The following TIGAR variants were observed in gnomAD, a reference collection of about 807,000 sequenced individuals.
TIGAR encodes fructose-2,6-bisphosphatase TIGAR.
TIGAR carries 7 observed loss-of-function variants against 17.9 expected under a neutral mutation model. The ratio of observed to expected loss-of-function variants is 0.39; its 90% confidence interval spans 0.22 to 0.73. The LOEUF is 0.73. TIGAR is among the 30% of genes least tolerant of loss of function. The probability of loss-of-function intolerance (pLI) is 0.42; values close to 1 mark genes in which losing one functional copy is unlikely to be tolerated. For synonymous variants in TIGAR, 94 were observed against 108.6 expected (o/e 0.87, Z 0.84); for missense variants, 258 against 327.4 (o/e 0.79, Z 1.64).
intron 1 of TIGAR, among the ~76,000 whole-genome samples, chr12:4,327,662 TTTAAA>T (rs1338913497): frequency 6.6e-6 from 1 of 152,112 alleles, no homozygotes; most frequent in East Asian, 1.9e-4. Flanking sequence ...TTAGGCCAGG[TTTAAA>T]TTAAGGGCTA....
rs923706502 is a variant in TIGAR, at chr12:4,354,660, A to G, written c.*1969A>G. On this transcript the variant is annotated 3_prime_UTR_variant, in exon 6 of 6. Transcript: ENST00000179259. ...TAGTTAATTATAACCACTCTATTCT[A>G]TTAAATATAGCACATTTTTGTTTAT... is the stretch of plus-strand genomic sequence containing the variant. The G allele has an allele frequency of 2.6e-5, 4 of 151,514 alleles. No individual in the cohort carries two copies. Among genetic ancestry groups the G allele is most frequent in the Non-Finnish European group, 4.4e-5 (3 of 67,934 alleles). The allele number at this position is 151,514 out of a possible 1,614,324, so 9.4% of individuals were successfully genotyped here. A position where few individuals can be genotyped will look rare whatever the true frequency, so the allele number is the denominator to read the frequency against.
At position 4,349,819 on chromosome 12, in the gene TIGAR, A is replaced by G; in HGVS notation, c.193A>G (p.Thr65Ala). Residue 65 changes from threonine to alanine, a missense_variant and splice_region_variant, in exon 4 of 6, where the codon ACC becomes GCC. Transcript: ENST00000179259. ...FSSDLMRTKQTMHGILERSKF... is the reference protein window; with the variant it reads ...FSSDLMRTKQAMHGILERSKF... Reference sequence around the variant, plus strand: ...AAGAAACAATTGTCTTGATTTTCAGACCATGCATGGAATTTTGGAGAGAAG... The same window carrying G: ...AAGAAACAATTGTCTTGATTTTCAGGCCATGCATGGAATTTTGGAGAGAAG... 6.3e-7 allele frequency: 1 copy of G among 1,579,734 alleles called. No individual in the cohort carries two copies. Among genetic ancestry groups the G allele is most frequent in the South Asian group, 1.2e-5 (1 of 83,930 alleles).
intron 3 of TIGAR, among the ~76,000 whole-genome samples, chr12:4,346,328 C>T (rs1565449765): frequency 6.6e-6 from 1 of 152,158 alleles, no homozygotes; most frequent in African/African-American, 2.4e-5. Flanking sequence ...CGGCACTATT[C>T]ACAATAGCAA....
In TIGAR at chr12:4,349,827, TG is replaced by T; in HGVS notation, c.203del (p.Gly68GlufsTer12). The T allele has an allele frequency of 6.3e-7, 1 of 1,581,872 alleles. No individual in the cohort carries two copies. The highest frequency in any genetic ancestry group is 8.6e-7 in the Non-Finnish European group (1 of 1,168,518). Reference protein sequence around the residue: ...DLMRTKQTMHGILERSKFCKD... With the variant: ...DLMRTKQTMHXILERSKFCKD... ...ATTGTCTTGATTTTCAGACCATGCA[TG>T]GAATTTTGGAGAGAAGCAAATTTTG... is the stretch of plus-strand genomic sequence containing the variant. On this transcript the variant is annotated frameshift_variant, in exon 4 of 6. Transcript: ENST00000179259. LOFTEE classifies it high-confidence loss of function.
chr12:4,347,158 AG>A (rs1267915427), intron 3 of TIGAR, among the ~76,000 whole-genome samples: 1 of 152,254 alleles, frequency 6.6e-6, no homozygotes, highest in Non-Finnish European at 1.5e-5. Flanking sequence ...AATGTCCATC[AG>A]CAGATGAATG....
At chr12:4,328,702 G>A (rs183518526) in intron 1 of TIGAR, among the ~76,000 whole-genome samples, 1 of 151,214 alleles carries the variant, frequency 6.6e-6, no homozygotes, top group Admixed American at 6.6e-5. Flanking sequence ...TCAGCCTCCC[G>A]AGTAGCTGGG....
intron 1 of TIGAR, 78 bp from the exon 2 acceptor site, chr12:4,331,202 C>T: frequency 7.8e-6 from 10 of 1,286,256 alleles, no homozygotes; most frequent in Non-Finnish European, 1.0e-5. Flanking sequence ...TATCACCACA[C>T]TTGATTGCTC....
intron 2 of TIGAR, among the ~76,000 whole-genome samples, chr12:4,332,320 G>A (rs1864613112): frequency 7.3e-6 from 1 of 136,402 alleles, no homozygotes; most frequent in Admixed American, 8.7e-5. Flanking sequence ...TCGGCTCACT[G>A]CAACCTCCGC....
At chr12:4,334,946 T>G (rs1864642375) in intron 2 of TIGAR, among the ~76,000 whole-genome samples, 1 of 152,246 alleles carries the variant, frequency 6.6e-6, no homozygotes, top group Non-Finnish European at 1.5e-5. Context: ...AGGAATTTTT[T>G]TTTTAATGTA....
chr12:4,336,014 T>C (rs374604918), intron 2 of TIGAR, among the ~76,000 whole-genome samples: 1 of 152,268 alleles, frequency 6.6e-6, no homozygotes, highest in South Asian at 2.1e-4. Context: ...GTTTTATTCA[T>C]AGTTATTGTA....
chr12:4,337,451 C>T (rs571580308), intron 3 of TIGAR, among the ~76,000 whole-genome samples: 6 of 152,290 alleles, frequency 3.9e-5, no homozygotes, highest in South Asian at 4.1e-4. Flanking sequence ...TGAGCCACCA[C>T]GCCCAGCAAC....
At chr12:4,351,027 G>T (rs1864832745) in intron 4 of TIGAR, among the ~76,000 whole-genome samples, 2 of 152,108 alleles carry the variant, frequency 1.3e-5, no homozygotes, top group Non-Finnish European at 2.9e-5. Flanking sequence ...GCAATAGCAA[G>T]TTCTTCTAAA....
chr12:4,349,965 G>A (rs1165201402), intron 4 of TIGAR, 69 bp downstream of exon 4: 1 of 1,120,588 alleles, frequency 8.9e-7, no homozygotes, highest in African/African-American at 1.7e-5. Context: ...TTGTCACTTG[G>A]CTAAAAGTTA....
intron 3 of TIGAR, among the ~76,000 whole-genome samples, chr12:4,346,128 A>C: frequency 6.6e-6 from 1 of 152,256 alleles, no homozygotes. Flanking sequence ...GAGGATGTGG[A>C]GAAATAGGAA....
chr12:4,357,930 C>T lies in TIGAR; in HGVS notation c.*5239C>T, dbSNP rs1054781438. On this transcript the variant is annotated 3_prime_UTR_variant, in exon 6 of 6. Coordinates refer to ENST00000179259, the MANE Select transcript of TIGAR (RefSeq NM_020375.3). ...CATCCTGGCTAACACAGTGAAACCT[C>T]GTCTCCACTGAAAAATAGAAAAAAT... is the stretch of plus-strand genomic sequence containing the variant. Among the ~76,000 whole-genome samples, 17 of 151,530 alleles carry T rather than the reference C, an allele frequency of 1.1e-4. No homozygotes were observed. Among genetic ancestry groups the T allele is most frequent in the Admixed American group, 6.6e-4 (10 of 15,218 alleles).
chr12:4,323,429 G>A (rs978292491), intron 1 of TIGAR, among the ~76,000 whole-genome samples: 2 of 152,104 alleles, frequency 1.3e-5, no homozygotes, highest in Admixed American at 6.6e-5. Context: ...GTTTGATTCC[G>A]GAGGCCCTCA....
rs964097059 is a variant in TIGAR at position 4,356,519 on chromosome 12, A to G, written c.*3828A>G. Among the ~76,000 whole-genome samples, 1 of 151,960 alleles carries G rather than the reference A, an allele frequency of 6.6e-6. No individual in the cohort carries two copies. Among genetic ancestry groups the G allele is most frequent in the African/African-American group, 2.4e-5 (1 of 41,366 alleles). The stretch of plus-strand genomic sequence containing the variant: ...CTACACACGCATTGCTTCTCCTACT[A>G]TCAACATCCCCCACCAGACCAGTGC... On this transcript the variant is annotated 3_prime_UTR_variant, in exon 6 of 6. Coordinates refer to ENST00000179259, the MANE Select transcript of TIGAR (RefSeq NM_020375.3).
At position 4,350,066 on chromosome 12, in the gene TIGAR, C is replaced by A. The variant is rs558894431; in HGVS notation, c.270+170C>A. Among the ~76,000 whole-genome samples, 4 of 152,194 alleles carry A rather than the reference C, an allele frequency of 2.6e-5. No homozygotes were observed. In the East Asian group the frequency reaches 7.7e-4, roughly 29 times the overall value. ...TGTTACATACCCTCGTATATAGGAT[C>A]TTATTATTAAAATCAAACGAGACAA... On this transcript the variant is annotated intron_variant, in intron 4 of 5. Coordinates refer to ENST00000179259, the MANE Select transcript of TIGAR (RefSeq NM_020375.3).
intron 2 of TIGAR, among the ~76,000 whole-genome samples, chr12:4,333,383 G>A (rs777086368): frequency 5.3e-5 from 8 of 151,442 alleles, no homozygotes; most frequent in African/African-American, 1.7e-4. Flanking sequence ...TCTGCCTCCC[G>A]GGTTCAAGCA....
Sources: allele counts gnomAD v4.1 joint callset (sites outside exome capture counted in the v4.1 genomes callset), GRCh38; gene constraint gnomAD v4.1.1; transcripts MANE v1.5; gene names NCBI Gene and HGNC (gene_info 2026-07-23, HGNC 2026-07-21).